Variants in RALYL observed in about 807,000 individuals in gnomAD.
The protein encoded by RALYL is RNA-binding Raly-like protein.
In RALYL, 29 loss-of-function variants were observed where a neutral mutation model predicts 35.1. That is an observed-to-expected ratio of 0.83 (90% CI 0.61 to 1.13). The LOEUF (loss-of-function observed/expected upper bound fraction) is 1.13. Among genes scored for constraint, RALYL ranks in the 50% most tolerant of loss-of-function variants. The pLI is 0.00. For synonymous variants in RALYL, 120 were observed against 127.6 expected, an observed-to-expected ratio of 0.94 and a Z score of 0.40; for missense variants, 359 against 360.4, an observed-to-expected ratio of 1.00 and a Z score of 0.03.
chr8:84,477,073 G>C (rs1259466375), intron 1 of RALYL, among the ~76,000 whole-genome samples: 1 of 152,056 alleles, frequency 6.6e-6, no homozygotes, highest in African/African-American at 2.4e-5. Flanking sequence ...CATGCTATGA[G>C]GCTTTCTTTT....
intron 2 of RALYL, among the ~76,000 whole-genome samples, chr8:84,686,668 G>A (rs1192965252): frequency 6.6e-6 from 1 of 152,020 alleles, no homozygotes; most frequent in Non-Finnish European, 1.5e-5. Flanking sequence ...GCCTCCCAAA[G>A]TGCTGGGATT....
At chr8:84,490,396 A>G (rs550049298) in intron 1 of RALYL, among the ~76,000 whole-genome samples, 3 of 152,154 alleles carry the variant, frequency 2.0e-5, no homozygotes, top group East Asian at 3.9e-4. Flanking sequence ...GGTGAAATAA[A>G]AAAGAATATG....
intron 2 of RALYL, among the ~76,000 whole-genome samples, chr8:84,602,127 G>T (rs1816115738): frequency 6.6e-6 from 1 of 152,014 alleles, no homozygotes; most frequent in Non-Finnish European, 1.5e-5. Flanking sequence ...CCTTAACCAT[G>T]ACATCATATG....
intron 1 of RALYL, chr8:84,184,730 G>T: frequency 3.0e-6 from 1 of 335,840 alleles, no homozygotes; most frequent in Non-Finnish European, 5.3e-6. Flanking sequence ...GGGCCGCGCC[G>T]GCCGGGCACT....
chr8:84,377,468 T>TG (rs1857161436), intron 1 of RALYL, among the ~76,000 whole-genome samples: 2 of 148,742 alleles, frequency 1.3e-5, no homozygotes, highest in African/African-American at 4.9e-5. Flanking sequence ...TTTTTTTTTT[T>TG]TTTTTTTCTT....
chr8:84,260,911 C>T (rs1409059497), intron 1 of RALYL, among the ~76,000 whole-genome samples: 1 of 152,096 alleles, frequency 6.6e-6, no homozygotes, highest in Non-Finnish European at 1.5e-5. Flanking sequence ...TTATGCTTTA[C>T]TATTTATGTA....
intron 1 of RALYL, among the ~76,000 whole-genome samples, chr8:84,407,794 T>C (rs1472423156): frequency 6.6e-6 from 1 of 152,096 alleles, no homozygotes; most frequent in African/African-American, 2.4e-5. Context: ...ATAATAATAT[T>C]AGCTAAAATC....
chr8:84,260,680 G>A (rs1832089207), intron 1 of RALYL, among the ~76,000 whole-genome samples: 1 of 152,110 alleles, frequency 6.6e-6, no homozygotes, highest in African/African-American at 2.4e-5. Flanking sequence ...GGCCACTGTT[G>A]GTGACCATAG....
chr8:84,490,716 TTTA>T (rs1000111643), intron 1 of RALYL, among the ~76,000 whole-genome samples: 5 of 150,138 alleles, frequency 3.3e-5, no homozygotes, highest in Admixed American at 6.7e-5. Context: ...TATATATATT[TTTA>T]TTATTATTAT....
At chr8:84,689,105 T>C (rs907146912) in intron 2 of RALYL, among the ~76,000 whole-genome samples, 2 of 152,068 alleles carry the variant, frequency 1.3e-5, no homozygotes, top group Admixed American at 6.6e-5. Flanking sequence ...TACTTTAAGT[T>C]TTAGGGTACA....
chr8:84,468,686 G>A (rs1276441095), intron 1 of RALYL, among the ~76,000 whole-genome samples: 1 of 149,526 alleles, frequency 6.7e-6, no homozygotes, highest in Non-Finnish European at 1.5e-5. Flanking sequence ...TCTGAACGTT[G>A]GCCTGCCTTG....
At chr8:84,873,418 G>T in intron 7 of RALYL, 21 bp downstream of exon 7, 1 of 1,408,084 alleles carries the variant, frequency 7.1e-7, no homozygotes, top group Non-Finnish European at 9.9e-7. Context: ...TCTGATCACA[G>T]ACAGGTCAGA....
intron 3 of RALYL, among the ~76,000 whole-genome samples, chr8:84,794,701 C>T (rs1405616360): frequency 6.6e-6 from 1 of 152,144 alleles, no homozygotes; most frequent in African/African-American, 2.4e-5. Context: ...CAAATATCTT[C>T]CAGCACCATC....
chr8:84,825,117 A>T (rs1829387229), intron 4 of RALYL, among the ~76,000 whole-genome samples: 1 of 152,170 alleles, frequency 6.6e-6, no homozygotes, highest in Non-Finnish European at 1.5e-5. Context: ...CAAAATGCTA[A>T]TATCCAGAAT....
chr8:84,515,107 G>C (rs1214245343), intron 1 of RALYL, among the ~76,000 whole-genome samples: 1 of 152,090 alleles, frequency 6.6e-6, no homozygotes, highest in African/African-American at 2.4e-5. Context: ...ATAAATCTCT[G>C]CAAAGTTAAA....
intron 1 of RALYL, among the ~76,000 whole-genome samples, chr8:84,266,821 G>A (rs1833397610): frequency 2.6e-5 from 4 of 151,832 alleles, no homozygotes; most frequent in Non-Finnish European, 5.9e-5. Context: ...TTAGCCGGGC[G>A]TGGTAGCGGG....
At chr8:84,319,710 G>A (rs905228368) in intron 1 of RALYL, among the ~76,000 whole-genome samples, 2 of 151,980 alleles carry the variant, frequency 1.3e-5, no homozygotes, top group African/African-American at 4.8e-5. Flanking sequence ...TGAGTTATTG[G>A]TGCACAGAAG....
At chr8:84,833,245 TACTAA>T (rs902546168) in intron 4 of RALYL, among the ~76,000 whole-genome samples, 13 of 152,212 alleles carry the variant, frequency 8.5e-5, no homozygotes, top group Admixed American at 6.5e-4. Flanking sequence ...CACTGACACA[TACTAA>T]ACTAAATATT....
intron 2 of RALYL, among the ~76,000 whole-genome samples, chr8:84,614,820 A>G (rs1819094599): frequency 9.2e-6 from 1 of 108,718 alleles, no homozygotes; most frequent in Non-Finnish European, 2.0e-5. Flanking sequence ...ACATTTGCAT[A>G]TTTTCTAAAA....
Sources: gnomAD v4.1 joint callset for allele counts (sites outside exome capture counted in the v4.1 genomes callset) on GRCh38, gnomAD v4.1.1 for gene constraint, MANE v1.5 for transcripts, NCBI Gene and HGNC (gene_info 2026-07-23, HGNC 2026-07-21) for gene names.